Variants in STT3B observed in about 807,000 individuals in gnomAD.
STT3B encodes the protein STT3 oligosaccharyltransferase complex catalytic subunit B, also known as dolichyl-diphosphooligosaccharide--protein glycosyltransferase subunit STT3B.
Under a neutral mutation model 96.8 loss-of-function variants are expected in STT3B, and 29 were observed. The observed-to-expected ratio is 0.30, with a 90% CI of 0.22 to 0.41. STT3B has a LOEUF of 0.41. STT3B is among the 10% of genes least tolerant of loss of function. The pLI is 1.00. For missense variants in STT3B, 640 were observed against 1,022.3 expected (o/e 0.63, Z 5.10); for synonymous variants, 367 against 360.0 (o/e 1.02, Z -0.22).
At chr3:31,583,159 T>G (rs1203453675) in intron 3 of STT3B, among the ~76,000 whole-genome samples, 1 of 152,220 alleles carries the variant, frequency 6.6e-6, no homozygotes, top group African/African-American at 2.4e-5. Context: ...GTAGAACTGT[T>G]TATTTCTTCA....
chr3:31,625,275 TATC>T (rs1305950473), intron 12 of STT3B, among the ~76,000 whole-genome samples, 190 bp downstream of exon 12: 1 of 152,230 alleles, frequency 6.6e-6, no homozygotes, highest in African/African-American at 2.4e-5. Context: ...TGATACTAAG[TATC>T]ATTCAGAATT....
rs549989552 is a variant in STT3B, at chr3:31,533,321, C to T, written c.314+9C>T. ...CACGAGTTCGACCCGTGGTAAGTGC[C>T]TCGCCGCCCCTCCCCCGCCCGTGGC... On this transcript the variant is annotated intron_variant, in intron 1 of 15. Coordinates refer to ENST00000295770, the MANE Select transcript of STT3B (RefSeq NM_178862.3). The T allele has an allele frequency of 9.0e-5, 137 of 1,516,284 alleles. No homozygotes were observed. Among genetic ancestry groups the T allele is most frequent in the Non-Finnish European group, 1.2e-4 (133 of 1,131,138 alleles). 93.9% of individuals were successfully genotyped at this position (1,516,284 alleles called of 1,614,324 possible).
chr3:31,590,917 G>C (rs962579126), intron 3 of STT3B, among the ~76,000 whole-genome samples: 2 of 152,038 alleles, frequency 1.3e-5, no homozygotes, highest in African/African-American at 4.8e-5. Flanking sequence ...CTCCATCCTG[G>C]ACAGTGATCC....
chr3:31,587,690 T>C (rs1157387516), intron 3 of STT3B, among the ~76,000 whole-genome samples: 1 of 152,174 alleles, frequency 6.6e-6, no homozygotes, highest in Admixed American at 6.6e-5. Context: ...GGTTCTAATT[T>C]CTGTCTATGA....
At chr3:31,634,730 G>C (rs965842014) in intron 15 of STT3B, among the ~76,000 whole-genome samples, 4 of 152,110 alleles carry the variant, frequency 2.6e-5, no homozygotes, top group Non-Finnish European at 5.9e-5. Flanking sequence ...ACTGCCAGTA[G>C]GAGAAAAGCA....
At chr3:31,635,929 A>G in intron 15 of STT3B, 55 bp from the exon 16 acceptor site, 1 of 1,345,832 alleles carries the variant, frequency 7.4e-7, no homozygotes, top group East Asian at 2.3e-5. Context: ...GTGTTTATAG[A>G]TTTTTTAATC....
chr3:31,627,973 T>A, intron 13 of STT3B, among the ~76,000 whole-genome samples: 1 of 148,124 alleles, frequency 6.8e-6, no homozygotes, highest in Non-Finnish European at 1.5e-5. Flanking sequence ...GATTCAAAAA[T>A]AAAGTATAAG....
At chr3:31,606,828 C>A (rs991242092) in intron 5 of STT3B, among the ~76,000 whole-genome samples, 1 of 152,162 alleles carries the variant, frequency 6.6e-6, no homozygotes, top group African/African-American at 2.4e-5. Context: ...TTGCACCATG[C>A]GCCTAGAAAA....
intron 3 of STT3B, among the ~76,000 whole-genome samples, chr3:31,580,826 G>C (rs1185840076): frequency 2.0e-5 from 3 of 151,550 alleles, no homozygotes; most frequent in African/African-American, 7.3e-5. Context: ...AGAGAAGAAA[G>C]AAAAATACCC....
intron 3 of STT3B, among the ~76,000 whole-genome samples, chr3:31,588,270 C>G (rs187585775): frequency 1.3e-5 from 2 of 151,912 alleles, no homozygotes; most frequent in Admixed American, 1.3e-4. Context: ...TTTTTTTGTG[C>G]AGGTACTAGG....
intron 1 of STT3B, among the ~76,000 whole-genome samples, chr3:31,544,430 GTCTT>G (rs1697352264): frequency 6.6e-6 from 1 of 152,124 alleles, no homozygotes; most frequent in African/African-American, 2.4e-5. Flanking sequence ...ACCAGATAAA[GTCTT>G]TATTTTCTTT....
chr3:31,576,186 A>G (rs1407706377), intron 1 of STT3B, among the ~76,000 whole-genome samples: 1 of 152,090 alleles, frequency 6.6e-6, no homozygotes, highest in Non-Finnish European at 1.5e-5. Flanking sequence ...TTTGAACATT[A>G]CTAGTTTTGT....
intron 1 of STT3B, among the ~76,000 whole-genome samples, chr3:31,568,818 G>C (rs1373424104): frequency 6.6e-6 from 1 of 152,156 alleles, no homozygotes; most frequent in Non-Finnish European, 1.5e-5. Flanking sequence ...TCTCTGACAA[G>C]ATCTATGGAA....
intron 1 of STT3B, among the ~76,000 whole-genome samples, chr3:31,541,106 A>C (rs1448084629): frequency 2.0e-5 from 3 of 152,252 alleles, no homozygotes; most frequent in Non-Finnish European, 4.4e-5. Flanking sequence ...AAATGTTTCT[A>C]TAAACAAGAG....
At chr3:31,550,444 AG>A (rs1697524035) in intron 1 of STT3B, among the ~76,000 whole-genome samples, 1 of 152,214 alleles carries the variant, frequency 6.6e-6, no homozygotes, top group African/African-American at 2.4e-5. Context: ...CAGTTGCAAG[AG>A]CAGAGAGAGA....
Position 31,633,934 on chromosome 3 carries a change from C to G in STT3B, c.2400+787C>G, listed in dbSNP as rs113261226. Among the ~76,000 whole-genome samples, 36 of 152,186 alleles carry G rather than the reference C, an allele frequency of 2.4e-4. 1 individual carries two copies. The highest frequency in any genetic ancestry group is 8.7e-4 in the African/African-American group (36 of 41,528). On this transcript the variant is annotated intron_variant, in intron 15 of 15. Coordinates refer to ENST00000295770, the MANE Select transcript of STT3B (RefSeq NM_178862.3). Reference sequence around the variant, plus strand: ...TAAGGATGCTTAGGTTTACATAGCTCAGATCAGCTATCTTATATCATTGAA... The same window carrying G: ...TAAGGATGCTTAGGTTTACATAGCTGAGATCAGCTATCTTATATCATTGAA...
At chr3:31,554,215 C>G (rs1232006581) in intron 1 of STT3B, among the ~76,000 whole-genome samples, 1 of 152,014 alleles carries the variant, frequency 6.6e-6, no homozygotes, top group Non-Finnish European at 1.5e-5. Context: ...TTTTATTCTC[C>G]TTAAAAAAAT....
chr3:31,582,584 C>T (rs986983128), intron 3 of STT3B, among the ~76,000 whole-genome samples: 8 of 151,950 alleles, frequency 5.3e-5, no homozygotes, highest in East Asian at 3.9e-4. Context: ...TGAGCCACCG[C>T]GCCCAGCCCT....
chr3:31,602,910 A>C (rs1228515618), intron 5 of STT3B, among the ~76,000 whole-genome samples: 1 of 152,054 alleles, frequency 6.6e-6, no homozygotes, highest in Admixed American at 6.5e-5. Flanking sequence ...AAATGGATGG[A>C]AAGTAGTATG....
Sources: allele counts gnomAD v4.1 joint callset (sites outside exome capture counted in the v4.1 genomes callset), GRCh38; gene constraint gnomAD v4.1.1; transcripts MANE v1.5; gene names NCBI Gene and HGNC (gene_info 2026-07-23, HGNC 2026-07-21).